DACH1: variants seen among roughly 807,000 people sequenced by gnomAD.
DACH1 encodes the protein dachshund family transcription factor 1, also known as dachshund homolog 1.
In DACH1, 12 loss-of-function variants were observed where a neutral mutation model predicts 54.2. That is an observed-to-expected ratio of 0.22 (90% CI 0.14 to 0.36). The LOEUF is 0.36. Ranked by LOEUF, DACH1 falls within the 10% of genes least tolerant of loss-of-function variation. DACH1 has a pLI of 1.00. For missense variants in DACH1, 805 were observed against 929.8 expected, an observed-to-expected ratio of 0.87 and a Z score of 1.75; for synonymous variants, 386 against 366.2, an observed-to-expected ratio of 1.05 and a Z score of -0.62.
intron 3 of DACH1, among the ~76,000 whole-genome samples, chr13:71,623,479 CCTT>C (rs943003237): frequency 2.0e-5 from 3 of 151,576 alleles, no homozygotes; most frequent in Admixed American, 2.0e-4. Flanking sequence ...GTGGCATCAT[CCTT>C]TTTTTATATT....
At chr13:71,647,630 A>G (rs935272029) in intron 2 of DACH1, among the ~76,000 whole-genome samples, 7 of 152,184 alleles carry the variant, frequency 4.6e-5, no homozygotes, top group African/African-American at 1.4e-4. Context: ...CAGGGCCACC[A>G]TGACTCACAA....
At chr13:71,691,784 C>A (rs528362712) in intron 1 of DACH1, among the ~76,000 whole-genome samples, 19 of 152,248 alleles carry the variant, frequency 1.2e-4, no homozygotes, top group African/African-American at 4.3e-4. Context: ...AAATACTATA[C>A]CTTCCCTCAA....
At chr13:71,767,245 C>T (rs1885676519) in intron 1 of DACH1, among the ~76,000 whole-genome samples, 1 of 151,798 alleles carries the variant, frequency 6.6e-6, no homozygotes, top group Non-Finnish European at 1.5e-5. Flanking sequence ...TTTGAGAAAA[C>T]ACTTTAGAGG....
intron 3 of DACH1, among the ~76,000 whole-genome samples, chr13:71,622,084 AT>A: frequency 6.6e-6 from 1 of 152,108 alleles, no homozygotes; most frequent in Non-Finnish European, 1.5e-5. Flanking sequence ...ATGAATTGAC[AT>A]TTTTAGACAT....
At chr13:71,665,332 G>A (rs1363811307) in intron 2 of DACH1, among the ~76,000 whole-genome samples, 1 of 151,880 alleles carries the variant, frequency 6.6e-6, no homozygotes, top group Non-Finnish European at 1.5e-5. Flanking sequence ...CAATAATGTG[G>A]AAATATAATT....
At chr13:71,525,028 ATT>A (rs891154893) in intron 6 of DACH1, among the ~76,000 whole-genome samples, 1 of 152,174 alleles carries the variant, frequency 6.6e-6, no homozygotes, top group African/African-American at 2.4e-5. Flanking sequence ...ATATCATTAA[ATT>A]TCAATCGCCC....
At chr13:71,634,412 CTG>C (rs1246571004) in intron 2 of DACH1, among the ~76,000 whole-genome samples, 1 of 152,198 alleles carries the variant, frequency 6.6e-6, no homozygotes, top group Non-Finnish European at 1.5e-5. Context: ...CCCTTGCTCT[CTG>C]TGCTCCAGGT....
At chr13:71,630,863 A>C in intron 2 of DACH1, 146 bp from the exon 3 acceptor site, 1 of 914,640 alleles carries the variant, frequency 1.1e-6, no homozygotes, top group Non-Finnish European at 1.5e-6. Flanking sequence ...CTCATTCCCA[A>C]CTAGACAATG....
At chr13:71,675,321 G>C (rs991012393) in intron 2 of DACH1, 10 of 1,593,632 alleles carry the variant, frequency 6.3e-6, no homozygotes, top group Non-Finnish European at 8.6e-6. Context: ...TGCGCTTCCA[G>C]AGCGCAGCTA....
intron 2 of DACH1, among the ~76,000 whole-genome samples, chr13:71,664,879 T>A (rs1448928035): frequency 6.6e-6 from 1 of 152,048 alleles, no homozygotes; most frequent in Admixed American, 6.5e-5. Context: ...ATGAAAAGTA[T>A]GACCATAATT....
intron 1 of DACH1, among the ~76,000 whole-genome samples, chr13:71,826,884 T>C (rs1888404458): frequency 6.6e-6 from 1 of 152,028 alleles, no homozygotes; most frequent in Non-Finnish European, 1.5e-5. Context: ...AATCTTCATT[T>C]ACTATTAGCT....
At chr13:71,784,061 A>G (rs1028960037) in intron 1 of DACH1, among the ~76,000 whole-genome samples, 1 of 151,842 alleles carries the variant, frequency 6.6e-6, no homozygotes, top group Non-Finnish European at 1.5e-5. Context: ...TGCTGCCTTT[A>G]TGAAATAGAG....
intron 1 of DACH1, among the ~76,000 whole-genome samples, chr13:71,751,156 C>A (rs770030371): frequency 1.3e-4 from 19 of 151,934 alleles, no homozygotes; most frequent in Non-Finnish European, 2.6e-4. Context: ...AATAATGGTG[C>A]CTGATCCCCA....
intron 3 of DACH1, among the ~76,000 whole-genome samples, chr13:71,600,832 A>G (rs891873961): frequency 1.2e-4 from 18 of 152,118 alleles, no homozygotes; most frequent in Non-Finnish European, 1.5e-4. Context: ...GAATTAAGTC[A>G]TTCTCAAAAC....
intron 1 of DACH1, among the ~76,000 whole-genome samples, chr13:71,745,834 G>A (rs1248024611): frequency 6.6e-6 from 1 of 152,180 alleles, no homozygotes; most frequent in African/African-American, 2.4e-5. Context: ...GGGTTACCAT[G>A]TTCCACCACT....
intron 3 of DACH1, among the ~76,000 whole-genome samples, chr13:71,595,363 T>C (rs1032127219): frequency 6.6e-6 from 1 of 152,120 alleles, no homozygotes; most frequent in Non-Finnish European, 1.5e-5. Context: ...AGCCTTGGGA[T>C]AATTATAGGC....
chr13:71,625,820 C>T (rs1231100907), intron 3 of DACH1, among the ~76,000 whole-genome samples: 2 of 151,906 alleles, frequency 1.3e-5, no homozygotes, highest in Non-Finnish European at 2.9e-5. Context: ...ACTTCCCTTC[C>T]TTAAAGAAAT....
At chr13:71,765,213 C>T (rs1189228119) in intron 1 of DACH1, among the ~76,000 whole-genome samples, 1 of 152,154 alleles carries the variant, frequency 6.6e-6, no homozygotes, top group Non-Finnish European at 1.5e-5. Context: ...TCCATCAAGT[C>T]ATACAAACCA....
At chr13:71,649,665 T>C (rs1372391073) in intron 2 of DACH1, among the ~76,000 whole-genome samples, 1 of 152,146 alleles carries the variant, frequency 6.6e-6, no homozygotes, top group African/African-American at 2.4e-5. Context: ...CATGTTGTAA[T>C]GGAAAGGAAA....
Sources: allele counts gnomAD v4.1 joint callset (sites outside exome capture counted in the v4.1 genomes callset), GRCh38; gene constraint gnomAD v4.1.1; transcripts MANE v1.5; gene names NCBI Gene and HGNC (gene_info 2026-07-23, HGNC 2026-07-21).